Variants in ZNF266 observed in about 807,000 individuals in gnomAD.
The protein encoded by ZNF266 is zinc finger protein 1.
Under a neutral mutation model 16.4 loss-of-function variants are expected in ZNF266, and 16 were observed. The observed-to-expected ratio is 0.98, with a 90% CI of 0.66 to 1.48. The LOEUF is 1.48. Among genes scored for constraint, ZNF266 ranks in the 40% most tolerant of loss-of-function variants. ZNF266 has a pLI of 0.00. For synonymous variants in ZNF266, 262 were observed against 237.9 expected (o/e 1.10, Z -0.93); for missense variants, 738 against 689.1 (o/e 1.07, Z -0.79).
intron 5 of ZNF266, among the ~76,000 whole-genome samples, chr19:9,422,999 G>A (rs1036313888): frequency 2.0e-5 from 3 of 152,204 alleles, no homozygotes; most frequent in African/African-American, 4.8e-5. Context: ...TGCCTGCCGT[G>A]ATCCACTAGA....
intron 9 of ZNF266, among the ~76,000 whole-genome samples, chr19:9,416,856 C>T (rs1024132545): frequency 4.7e-5 from 7 of 148,174 alleles, no homozygotes; most frequent in Non-Finnish European, 7.5e-5. Flanking sequence ...ATTTTTGTAG[C>T]GATGGGGTTT....
chr19:9,428,889 CTTTT>C (rs1225187444), intron 5 of ZNF266, among the ~76,000 whole-genome samples: 1 of 133,472 alleles, frequency 7.5e-6, no homozygotes, highest in South Asian at 2.6e-4. Context: ...TATTTCACTT[CTTTT>C]TTGTCAATTT....
In ZNF266 at chr19:9,431,059, C is replaced by T. The variant is rs535087625; in HGVS notation, c.-130+2609G>A. 5.8e-4 allele frequency among the ~76,000 whole-genome samples: 88 copies of T among 152,288 alleles called. No individual in the cohort carries two copies. The South Asian group carries it at 5.8e-3, about 10-fold the overall frequency. On this transcript the variant is annotated intron_variant, in intron 5 of 10. Coordinates refer to ENST00000592904, the MANE Select transcript of ZNF266 (RefSeq NM_001370374.1). ...ACACCAGAACACCTCTCCTCTTGGT[C>T]GGGACAGAGCTAGAATTTACAGCCA... is the stretch of plus-strand genomic sequence containing the variant.
chr19:9,414,116 C>T lies in ZNF266; in HGVS notation c.1010G>A (p.Cys337Tyr). ...KTHTGEKPYK[C>Y]KDCGRAFTVS... ...AGTGAAGGCTCTCCCACAATCCTTA[C>T]ATTTATAAGGTTTCTCTCCAGTGTG... is the stretch of plus-strand genomic sequence containing the variant. The change falls in exon 11 of 11, where the codon TGT (cysteine) becomes TAT (tyrosine). Residue 337 changes from cysteine to tyrosine, a missense_variant. Cys to Tyr is a radical substitution (Grantham distance 194). Transcript: ENST00000592904. 2.5e-6 allele frequency: 4 copies of T among 1,613,962 alleles called. No homozygotes were observed. Among genetic ancestry groups the T allele is most frequent in the Non-Finnish European group, 3.4e-6 (4 of 1,179,918 alleles).
Position 9,413,530 on chromosome 19 carries a change from C to A in ZNF266, c.1596G>T (p.Thr532=). The A allele has an allele frequency of 6.2e-7, 1 of 1,613,264 alleles. No homozygotes were observed. Among genetic ancestry groups the A allele is most frequent in the South Asian group, 1.1e-5 (1 of 91,016 alleles). The change falls in exon 11 of 11, where the codon ACG becomes ACT. Residue 532 remains threonine (T), a synonymous_variant. Transcript: ENST00000592904. Reference sequence around the variant, plus strand: ...TAAAAGCTTTGCCACATTCCATACACGTGAATGGTTTTTTGGCGCTGTGGG... The same window carrying A: ...TAAAAGCTTTGCCACATTCCATACAAGTGAATGGTTTTTTGGCGCTGTGGG... ...MRTHSAKKPF[T]CMECGKAFKF...
intron 5 of ZNF266, among the ~76,000 whole-genome samples, chr19:9,426,819 T>C (rs1038486327): frequency 1.3e-5 from 2 of 152,194 alleles, no homozygotes; most frequent in African/African-American, 4.8e-5. Context: ...AAAGGGTAAC[T>C]AAATACAGGA....
intron 5 of ZNF266, among the ~76,000 whole-genome samples, chr19:9,426,924 T>A (rs1351478865): frequency 2.0e-5 from 3 of 152,228 alleles, no homozygotes; most frequent in African/African-American, 7.2e-5. Flanking sequence ...ATATTAGGTA[T>A]AAATATGCTA....
At chr19:9,434,501 T>C (rs1029912553) in intron 3 of ZNF266, among the ~76,000 whole-genome samples, 8 of 152,186 alleles carry the variant, frequency 5.3e-5, no homozygotes, top group African/African-American at 1.9e-4. Flanking sequence ...AATGTATAAC[T>C]TTCTGAAAGA....
Position 9,417,913 on chromosome 19 carries a change from G to A in ZNF266, c.236-5C>T, listed in dbSNP as rs1458356425. On this transcript the variant is annotated splice_region_variant and splice_polypyrimidine_tract_variant and intron_variant, in intron 8 of 10. Coordinates refer to ENST00000592904, the MANE Select transcript of ZNF266 (RefSeq NM_001370374.1). ...TGGGTTTGAAGAGCTGATATCCTGT[G>A]CACAAAGAAAGATACATTACCAGAA... 6.2e-7 allele frequency: 1 copy of A among 1,613,680 alleles called. No individual in the cohort carries two copies.
chr19:9,431,202 C>A (rs911734891), intron 5 of ZNF266, among the ~76,000 whole-genome samples: 10 of 152,172 alleles, frequency 6.6e-5, no homozygotes, highest in Non-Finnish European at 1.3e-4. Flanking sequence ...CGGTGGTCAG[C>A]AGTGTGGGTG....
In ZNF266 at chr19:9,414,345, T is replaced by G; in HGVS notation, c.781A>C (p.Ile261Leu). The G allele has an allele frequency of 1.9e-6, 3 of 1,614,108 alleles. No individual in the cohort carries two copies. Among genetic ancestry groups the G allele is most frequent in the Non-Finnish European group, 2.5e-6 (3 of 1,179,980 alleles). Residue 261 changes from isoleucine to leucine, a missense_variant, in exon 11 of 11, where the codon ATT becomes CTT. By Grantham distance (5) the Ile-to-Leu change is conservative. Transcript: ENST00000592904. ...CGCACAGCAAGGTCTGTGGAGTGAATAAAGCCTCTCCCACATTCCTTCCAT... is the reference window on the plus strand; with the variant it reads ...CGCACAGCAAGGTCTGTGGAGTGAAGAAAGCCTCTCCCACATTCCTTCCAT... Reference protein sequence around the residue: ...HEWKECGRGFIHSTDLAVRIQ... With the variant: ...HEWKECGRGFLHSTDLAVRIQ...
intron 5 of ZNF266, among the ~76,000 whole-genome samples, chr19:9,429,864 C>T (rs2071325588): frequency 1.3e-5 from 2 of 152,130 alleles, no homozygotes. Flanking sequence ...AACTCCTTAA[C>T]CCCAGGGAGG....
At chr19:9,434,899 C>T (rs2072230579) in intron 2 of ZNF266, 40 bp from the exon 3 acceptor site, 1 of 152,116 alleles carries the variant, frequency 6.6e-6, no homozygotes, top group African/African-American at 2.4e-5. Flanking sequence ...AGTATTCTTG[C>T]TTTTCTTCAG....
chr19:9,414,881 C>G (rs2068749814), intron 10 of ZNF266, among the ~76,000 whole-genome samples, 161 bp from the exon 11 acceptor site: 1 of 152,190 alleles, frequency 6.6e-6, no homozygotes, highest in Non-Finnish European at 1.5e-5. Context: ...AGCGGAATGA[C>G]AAAAAACTCC....
chr19:9,425,219 T>C (rs1599517381), intron 5 of ZNF266, among the ~76,000 whole-genome samples: 1 of 152,192 alleles, frequency 6.6e-6, no homozygotes, highest in Non-Finnish European at 1.5e-5. Flanking sequence ...ATAACGTCCA[T>C]GCACCTTAAT....
chr19:9,413,075 T>C lies in ZNF266; in HGVS notation c.*200A>G. 3.3e-6 allele frequency: 2 copies of C among 599,510 alleles called. No homozygotes were observed. Among genetic ancestry groups the C allele is most frequent in the Non-Finnish European group, 5.6e-6 (2 of 358,394 alleles). The allele number at this position is 599,510 out of a possible 1,614,324, so 37.1% of individuals were successfully genotyped here. ...TTTCTCTCCAGTGAGATTTCTGATG[T>C]GTTTGGTAAGGCTTGAGAATTCAGC... On this transcript the variant is annotated 3_prime_UTR_variant, in exon 11 of 11. Transcript: ENST00000592904.
intron 5 of ZNF266, among the ~76,000 whole-genome samples, chr19:9,421,302 C>A (rs2069844620): frequency 6.6e-6 from 1 of 151,216 alleles, no homozygotes; most frequent in Admixed American, 6.6e-5. Context: ...GTAGATTGTA[C>A]CCACTACCAT....
rs1421868076 is a variant in ZNF266 at position 9,413,946 on chromosome 19, T to G, written c.1180A>C (p.Lys394Gln). ...THTAKDPFEC[K>Q]ICGKSFRNSS... ...TTTCTAAAGGATTTTCCACATATCTTACATTCAAAGGGATCCTTTGCAGTG... is the reference window on the plus strand; with the variant it reads ...TTTCTAAAGGATTTTCCACATATCTGACATTCAAAGGGATCCTTTGCAGTG... Residue 394 changes from lysine (K) to glutamine (Q), a missense_variant, in exon 11 of 11, where the codon AAG becomes CAG. Lys to Gln is a moderately conservative substitution (Grantham distance 53). Transcript: ENST00000592904. 2.5e-6 allele frequency: 4 copies of G among 1,614,092 alleles called. No homozygotes were observed. Among genetic ancestry groups the G allele is most frequent in the Non-Finnish European group, 3.4e-6 (4 of 1,180,044 alleles).
intron 10 of ZNF266, 86 bp downstream of exon 10, chr19:9,415,568 A>G (rs762190353): frequency 8.3e-7 from 1 of 1,198,058 alleles, no homozygotes; most frequent in South Asian, 1.3e-5. Flanking sequence ...GTGAGCCACC[A>G]TTCCCAGCTT....
Sources: allele counts gnomAD v4.1 joint callset (sites outside exome capture counted in the v4.1 genomes callset), GRCh38; gene constraint gnomAD v4.1.1; transcripts MANE v1.5; gene names NCBI Gene and HGNC (gene_info 2026-07-23, HGNC 2026-07-21).